POLD3: variants seen among roughly 807,000 people sequenced by gnomAD.
POLD3 encodes DNA polymerase delta 3, accessory subunit.
Under a neutral mutation model 58.2 loss-of-function variants are expected in POLD3, and 19 were observed. That is an observed-to-expected ratio of 0.33 (90% CI 0.23 to 0.48). The LOEUF is 0.48. POLD3 is among the 20% of genes least tolerant of loss of function. POLD3 has a pLI of 0.99. For synonymous variants in POLD3, 172 were observed against 193.5 expected (o/e 0.89, Z 0.92); for missense variants, 504 against 545.5 (o/e 0.92, Z 0.76).
intron 4 of POLD3, among the ~76,000 whole-genome samples, chr11:74,611,950 G>C (rs888336152): frequency 6.6e-6 from 1 of 152,182 alleles, no homozygotes; most frequent in Non-Finnish European, 1.5e-5. Context: ...AAGACTATCA[G>C]TGCTACCGTT....
chr11:74,619,355 T>C (rs2032179377), intron 6 of POLD3, among the ~76,000 whole-genome samples: 1 of 149,508 alleles, frequency 6.7e-6, no homozygotes, highest in Non-Finnish European at 1.5e-5. Flanking sequence ...AAAGCATAAT[T>C]ATTGTTGTTA....
chr11:74,638,078 T>C (rs1187810379), intron 11 of POLD3, among the ~76,000 whole-genome samples: 1 of 152,160 alleles, frequency 6.6e-6, no homozygotes, highest in African/African-American at 2.4e-5. Flanking sequence ...AATGGGTTTC[T>C]AAGAGCAAAG....
At chr11:74,657,708 T>A (rs1359863589) in intron 4 of POLD3, among the ~76,000 whole-genome samples, 1 of 152,244 alleles carries the variant, frequency 6.6e-6, no homozygotes, top group African/African-American at 2.4e-5. Flanking sequence ...GTTATAATAG[T>A]CTGTTTTTCT....
In POLD3 at chr11:74,641,294, T is replaced by G; in HGVS notation, c.*528T>G. ...TAAGTCTTTTAAGTTTTGGTTGGAC[T>G]AAAGGCTGAAGTGAAAATCTCCCTG... is the stretch of plus-strand genomic sequence containing the variant. On this transcript the variant is annotated 3_prime_UTR_variant, in exon 12 of 12. Transcript: ENST00000263681. 1.0e-6 allele frequency: 1 copy of G among 985,538 alleles called. No individual in the cohort carries two copies. Among genetic ancestry groups the G allele is most frequent in the Non-Finnish European group, 1.2e-6 (1 of 829,994 alleles). 61.0% of individuals were successfully genotyped at this position (985,538 alleles called of 1,614,324 possible). A position where few individuals can be genotyped will look rare whatever the true frequency, so the allele number is the denominator to read the frequency against.
chr11:74,641,637 T>A lies in POLD3; in HGVS notation c.*871T>A. 1.0e-6 allele frequency: 1 copy of A among 985,328 alleles called. No homozygotes were observed. Among genetic ancestry groups the A allele is most frequent in the Non-Finnish European group, 1.2e-6 (1 of 829,894 alleles). 61.0% of individuals were successfully genotyped at this position (985,328 alleles called of 1,614,324 possible). A position where few individuals can be genotyped will look rare whatever the true frequency, so the allele number is the denominator to read the frequency against. On this transcript the variant is annotated 3_prime_UTR_variant, in exon 12 of 12. Transcript: ENST00000263681. ...AGAGAGTGAAACCCGTACAATGAGA[T>A]AAAGACTAAAAAGAGAAATCCCTTC...
intron 4 of POLD3, among the ~76,000 whole-genome samples, chr11:74,650,790 G>A (rs1459188022): frequency 6.6e-6 from 1 of 152,202 alleles, no homozygotes; most frequent in Non-Finnish European, 1.5e-5. Context: ...AGGCAGCAGA[G>A]GCTGGGCTGG....
At chr11:74,651,623 T>C (rs530473325) in intron 4 of POLD3, among the ~76,000 whole-genome samples, 5 of 152,324 alleles carry the variant, frequency 3.3e-5, no homozygotes, top group African/African-American at 1.2e-4. Context: ...AGAGATTTCT[T>C]GGTGAAAGTG....
At chr11:74,602,082 A>G (rs1051467870) in intron 2 of POLD3, among the ~76,000 whole-genome samples, 4 of 152,124 alleles carry the variant, frequency 2.6e-5, no homozygotes, top group South Asian at 2.1e-4. Flanking sequence ...ATGAGAAGCT[A>G]CTGAAAGCTT....
intron 2 of POLD3, 150 bp from the exon 3 acceptor site, chr11:74,604,542 T>TC (rs1591292097): frequency 1.7e-6 from 1 of 585,334 alleles, no homozygotes; most frequent in African/African-American, 1.9e-5. Flanking sequence ...TTTTTTTTTT[T>TC]CAACTGTCCA....
At chr11:74,618,897 A>G in intron 6 of POLD3, 93 bp downstream of exon 6, 1 of 1,063,214 alleles carries the variant, frequency 9.4e-7, no homozygotes, top group Admixed American at 2.7e-5. Flanking sequence ...TTATTTATAT[A>G]AGATTCTGAT....
At chr11:74,658,601 A>G (rs1255726974) in intron 4 of POLD3, among the ~76,000 whole-genome samples, 1 of 152,204 alleles carries the variant, frequency 6.6e-6, no homozygotes, top group Non-Finnish European at 1.5e-5. Flanking sequence ...TACAGTGGGG[A>G]TACAGGTATT....
At chr11:74,609,646 G>C (rs866520881) in intron 3 of POLD3, among the ~76,000 whole-genome samples, 1 of 151,704 alleles carries the variant, frequency 6.6e-6, no homozygotes, top group Admixed American at 6.6e-5. Context: ...CTCCCAAAGT[G>C]CTGAGATTAC....
In POLD3 at chr11:74,620,033, A is replaced by G; in HGVS notation, c.677A>G (p.Asn226Ser). 1.2e-6 allele frequency: 2 copies of G among 1,613,918 alleles called. No homozygotes were observed. The highest frequency in any genetic ancestry group is 1.3e-5 in the African/African-American group (1 of 75,070). Reference sequence around the variant, plus strand: ...TGCTTGTAGGCATCTGCAGCAGGCAACAAGGCACCAGGGAAAGGGAATATG... The same window carrying G: ...TGCTTGTAGGCATCTGCAGCAGGCAGCAAGGCACCAGGGAAAGGGAATATG... ...KEVTNASAAGNKAPGKGNMMS... is the reference protein window; with the variant it reads ...KEVTNASAAGSKAPGKGNMMS... Residue 226 changes from asparagine to serine, a missense_variant, in exon 7 of 12, where the codon AAC becomes AGC. Around this residue, in one of 2 missense-constraint regions of POLD3, gnomAD observed 385 missense variants for 370.5 expected, o/e 1.04. Coordinates refer to ENST00000263681, the MANE Select transcript of POLD3 (RefSeq NM_006591.3).
rs1456446606 is a variant in POLD3, at chr11:74,640,754, C to T, written c.1389C>T (p.Phe463=). 6.3e-7 allele frequency: 1 copy of T among 1,589,222 alleles called. No homozygotes were observed. Among genetic ancestry groups the T allele is most frequent in the Non-Finnish European group, 8.5e-7 (1 of 1,171,192 alleles). ...ANRQVSITGF[F]QRK is the part of the protein sequence containing the mutation. ...GACAGGTGTCCATTACTGGCTTCTTCCAGAGGAAATAAACTGCCATCTCTG... is the reference window on the plus strand; with the variant it reads ...GACAGGTGTCCATTACTGGCTTCTTTCAGAGGAAATAAACTGCCATCTCTG... Residue 463 remains phenylalanine (F), a synonymous_variant, in exon 12 of 12, where the codon TTC becomes TTT. Transcript: ENST00000263681.
At position 74,661,290 on chromosome 11, in the gene POLD3, A is replaced by C. The variant is rs115652226; in HGVS notation, c.370-7487A>C. On this transcript the variant is annotated intron_variant, in intron 4 of 4. Coordinates refer to the POLD3 transcript ENST00000524752. Reference sequence around the variant, plus strand: ...TCAGTGTCTAGGCATTGAAGAGTTAAGTATTCATTGTAGTCATCACAGTCT... The same window carrying C: ...TCAGTGTCTAGGCATTGAAGAGTTACGTATTCATTGTAGTCATCACAGTCT... Among the ~76,000 whole-genome samples, 195 of 152,298 alleles carry C rather than the reference A, an allele frequency of 1.3e-3. 1 individual carries two copies. Among genetic ancestry groups the C allele is most frequent in the African/African-American group, 4.4e-3 (182 of 41,564 alleles).
chr11:74,639,739 A>G (rs2032859659), intron 11 of POLD3, among the ~76,000 whole-genome samples: 1 of 152,210 alleles, frequency 6.6e-6, no homozygotes. Flanking sequence ...TTACTGTTAC[A>G]GTTCTTTTCC....
intron 6 of POLD3, among the ~76,000 whole-genome samples, chr11:74,619,705 C>T (rs1298066876): frequency 6.6e-6 from 1 of 152,116 alleles, no homozygotes; most frequent in Non-Finnish European, 1.5e-5. Flanking sequence ...GTACATACTG[C>T]CTCTGATCTT....
chr11:74,642,386 G>T lies in POLD3; in HGVS notation c.*1620G>T. ...CTTAAACCTTTAGAAAAAACTTCTG[G>T]AGAGAAATCCCTTTTAAACAGTTAC... On this transcript the variant is annotated 3_prime_UTR_variant, in exon 12 of 12. Transcript: ENST00000263681. 1.0e-6 allele frequency: 1 copy of T among 985,174 alleles called. No individual in the cohort carries two copies. Among genetic ancestry groups the T allele is most frequent in the Non-Finnish European group, 1.2e-6 (1 of 829,700 alleles). The allele number at this position is 985,174 out of a possible 1,614,324, so 61.0% of individuals were successfully genotyped here.
intron 4 of POLD3, among the ~76,000 whole-genome samples, chr11:74,659,502 G>A (rs2033179498): frequency 6.6e-6 from 1 of 152,132 alleles, no homozygotes; most frequent in African/African-American, 2.4e-5. Flanking sequence ...CTATCACATT[G>A]TCAGGCTGCA....
Sources: allele counts gnomAD v4.1 joint callset (sites outside exome capture counted in the v4.1 genomes callset), GRCh38; gene constraint gnomAD v4.1.1; regional missense constraint gnomAD v4.1.1; transcripts MANE v1.5; gene names NCBI Gene and HGNC (gene_info 2026-07-23, HGNC 2026-07-21).